ADH1A: variants seen among roughly 807,000 people sequenced by gnomAD.
ADH1A encodes the protein alcohol dehydrogenase 1A (class I), alpha polypeptide, also known as alcohol dehydrogenase 1A.
Under a neutral mutation model 35.2 loss-of-function variants are expected in ADH1A, and 29 were observed. The observed-to-expected ratio is 0.82, with a 90% CI of 0.61 to 1.12. The LOEUF is 1.12. ADH1A is among the 50% of genes most tolerant of loss of function. The pLI, the probability that ADH1A is intolerant of heterozygous loss-of-function variation, is 0.00. For missense variants in ADH1A, 469 were observed against 464.7 expected, an observed-to-expected ratio of 1.01 and a Z score of -0.09; for synonymous variants, 147 against 164.8, an observed-to-expected ratio of 0.89 and a Z score of 0.83.
rs1369146280 is a variant in ADH1A at position 99,284,432 on chromosome 4, T to A, written c.534A>T (p.Ser178=). ...EKVCLIGCGF[S]TGYGSAVNVA... Reference sequence around the variant, plus strand: ...CATTGACTGCAGACCCATAACCAGTTGAAAATCCACAGCCAATGAGACAGA... The same window carrying A: ...CATTGACTGCAGACCCATAACCAGTAGAAAATCCACAGCCAATGAGACAGA... The change falls in exon 5 of 9, where the codon TCA becomes TCT. Residue 178 remains serine, a synonymous_variant. Coordinates refer to ENST00000209668, the MANE Select transcript of ADH1A (RefSeq NM_000667.4). 4 of 1,614,092 alleles carry A rather than the reference T, an allele frequency of 2.5e-6. No individual in the cohort carries two copies. Among genetic ancestry groups the A allele is most frequent in the African/African-American group, 1.3e-5 (1 of 74,922 alleles).
At chr4:99,277,048 A>G (rs1732886500) in intron 8 of ADH1A, among the ~76,000 whole-genome samples, 1 of 151,842 alleles carries the variant, frequency 6.6e-6, no homozygotes, top group Admixed American at 6.6e-5. Flanking sequence ...AAACATCAAC[A>G]CTAGGAGGTA....
At chr4:99,277,722 A>G (rs959872772) in intron 8 of ADH1A, among the ~76,000 whole-genome samples, 7 of 152,208 alleles carry the variant, frequency 4.6e-5, no homozygotes, top group Non-Finnish European at 1.0e-4. Flanking sequence ...AGAATTTCCC[A>G]ATAATGTCAT....
At chr4:99,283,348 T>G (rs1030662746) in intron 5 of ADH1A, among the ~76,000 whole-genome samples, 1 of 152,144 alleles carries the variant, frequency 6.6e-6, no homozygotes, top group African/African-American at 2.4e-5. Context: ...AAAGATGCCA[T>G]CTACATTTTT....
At chr4:99,281,688 A>G (rs1733005166) in intron 6 of ADH1A, 1 of 156,388 alleles carries the variant, frequency 6.4e-6, no homozygotes, top group South Asian at 1.9e-4. Flanking sequence ...TGTCTCATGC[A>G]ATCTATAAAC....
chr4:99,283,262 G>C (rs1733050338), intron 5 of ADH1A, among the ~76,000 whole-genome samples: 1 of 152,070 alleles, frequency 6.6e-6, no homozygotes, highest in Non-Finnish European at 1.5e-5. Flanking sequence ...TCTTGGGTAG[G>C]CTCACTTAGA....
intron 6 of ADH1A, 80 bp downstream of exon 6, chr4:99,282,266 C>T: frequency 1.2e-6 from 2 of 1,613,136 alleles, no homozygotes; most frequent in Middle Eastern, 1.7e-4. Flanking sequence ...ATCCTTTATA[C>T]AGAAAACATA....
chr4:99,284,684 A>G (rs369685442), intron 4 of ADH1A, 32 bp downstream of exon 4: 12 of 1,612,196 alleles, frequency 7.4e-6, no homozygotes, highest in African/African-American at 1.3e-5. Flanking sequence ...TGCAAACTCA[A>G]TGTCTGCGCA....
chr4:99,287,708 C>T, intron 1 of ADH1A, 43 bp from the exon 2 acceptor site: 1 of 1,602,212 alleles, frequency 6.2e-7, no homozygotes. Context: ...TTCTCCCACG[C>T]TTGCAGTCAG....
At position 99,280,409 on chromosome 4, in the gene ADH1A, C is replaced by T. The variant is rs978936475; in HGVS notation, c.829-130G>A. 1.8e-5 allele frequency: 27 copies of T among 1,463,184 alleles called. No individual in the cohort carries two copies. In the African/African-American group the frequency reaches 3.8e-4, roughly 21 times the overall value. The allele number at this position is 1,463,184 out of a possible 1,614,324, so 90.6% of individuals were successfully genotyped here. A position where few individuals can be genotyped will look rare whatever the true frequency, so the allele number is the denominator to read the frequency against. On this transcript the variant is annotated intron_variant, in intron 6 of 8. Coordinates refer to ENST00000209668, the MANE Select transcript of ADH1A (RefSeq NM_000667.4). ...AGGGAAGAGATTATGTCTTTTGCTC[C>T]TTCAGTCCCCTTTTTTGCACGGGAT... is the stretch of plus-strand genomic sequence containing the variant.
At chr4:99,286,637 G>A in intron 3 of ADH1A, 1 of 724,862 alleles carries the variant, frequency 1.4e-6, no homozygotes, top group South Asian at 2.0e-5. Flanking sequence ...CAGATGCTCA[G>A]TACATAATTG....
intron 3 of ADH1A, chr4:99,286,644 A>C: frequency 3.9e-6 from 3 of 778,270 alleles, no homozygotes; most frequent in Non-Finnish European, 5.9e-6. Flanking sequence ...TCAGTACATA[A>C]TTGTTGAAGG....
At chr4:99,279,684 G>A (rs1732950181) in intron 7 of ADH1A, 120 bp from the exon 8 acceptor site, 22 of 1,244,936 alleles carry the variant, frequency 1.8e-5, no homozygotes, top group Non-Finnish European at 2.2e-5. Flanking sequence ...CAACGACTGA[G>A]GTTAATAAGA....
At chr4:99,289,834 C>T (rs531040823) in intron 1 of ADH1A, among the ~76,000 whole-genome samples, 1 of 152,104 alleles carries the variant, frequency 6.6e-6, no homozygotes, top group South Asian at 2.1e-4. Flanking sequence ...AATTTTTTTG[C>T]TAATTGTTTT....
At chr4:99,278,673 G>A (rs147781428) in intron 8 of ADH1A, among the ~76,000 whole-genome samples, 207 of 152,224 alleles carry the variant, frequency 1.4e-3, no homozygotes, top group African/African-American at 4.4e-3. Context: ...TAGCAGAAAA[G>A]TCTCAGACTC....
At chr4:99,289,156 T>C (rs919642316) in intron 1 of ADH1A, among the ~76,000 whole-genome samples, 2 of 152,228 alleles carry the variant, frequency 1.3e-5, no homozygotes, top group African/African-American at 4.8e-5. Context: ...TTTTATTCTG[T>C]TTAATGGCTG....
intron 8 of ADH1A, chr4:99,278,364 C>G (rs1434636321): frequency 6.6e-6 from 1 of 152,112 alleles, no homozygotes; most frequent in Non-Finnish European, 1.5e-5. Context: ...ACAACAAGAT[C>G]TACCTTTGAA....
chr4:99,280,830 A>AAT (rs1480294187), intron 6 of ADH1A, among the ~76,000 whole-genome samples: 1 of 152,046 alleles, frequency 6.6e-6, no homozygotes, highest in Non-Finnish European at 1.5e-5. Context: ...TATCTCCCCA[A>AAT]ATATATATAG....
chr4:99,283,728 C>T (rs928287095), intron 5 of ADH1A, among the ~76,000 whole-genome samples: 1 of 152,116 alleles, frequency 6.6e-6, no homozygotes, highest in Non-Finnish European at 1.5e-5. Flanking sequence ...ATAAAGCATA[C>T]TACTAGATTT....
At chr4:99,285,357 A>G (rs1341231945) in intron 3 of ADH1A, among the ~76,000 whole-genome samples, 1 of 152,212 alleles carries the variant, frequency 6.6e-6, no homozygotes, top group Non-Finnish European at 1.5e-5. Context: ...ACTATCAAAA[A>G]TGGGACAAAG....
Sources: gnomAD v4.1 joint callset for allele counts (sites outside exome capture counted in the v4.1 genomes callset) on GRCh38, gnomAD v4.1.1 for gene constraint, MANE v1.5 for transcripts, NCBI Gene and HGNC (gene_info 2026-07-23, HGNC 2026-07-21) for gene names.